PTGER2: variants seen among roughly 807,000 people sequenced by gnomAD.
The protein encoded by PTGER2 is prostaglandin E2 receptor EP2 subtype.
PTGER2 carries 22 observed loss-of-function variants against 26.2 expected under a neutral mutation model. That is an observed-to-expected ratio of 0.84 (90% CI 0.60 to 1.20). The LOEUF is 1.20. Ranked by LOEUF, PTGER2 falls within the 50% of genes most tolerant of loss-of-function variation. The pLI is 0.00. For missense variants in PTGER2, 458 were observed against 475.2 expected (o/e 0.96, Z 0.34); for synonymous variants, 219 against 208.9 (o/e 1.05, Z -0.42).
chr14:52,317,825 A>G (rs952639692), intron 1 of PTGER2, among the ~76,000 whole-genome samples: 1 of 152,234 alleles, frequency 6.6e-6, no homozygotes, highest in Non-Finnish European at 1.5e-5. Flanking sequence ...AGCTACCATG[A>G]CACCATATTC....
In PTGER2 at chr14:52,327,266, G is replaced by A; in HGVS notation, c.889G>A (p.Asp297Asn). The change falls in exon 2 of 2, where the codon GAC (aspartate) becomes AAC (asparagine). Residue 297 changes from aspartate to asparagine, a missense_variant. Asp to Asn is a conservative substitution (Grantham distance 23, BLOSUM62 1). Coordinates refer to ENST00000245457, the MANE Select transcript of PTGER2 (RefSeq NM_000956.4). Reference sequence around the variant, plus strand: ...AACCTCTTCCCGAAAGGAAAAATGGGACCTCCAAGCTCTTAGGTTTTTATC... The same window carrying A: ...AACCTCTTCCCGAAAGGAAAAATGGAACCTCCAAGCTCTTAGGTTTTTATC... Reference protein sequence around the residue: ...NETSSRKEKWDLQALRFLSIN... With the variant: ...NETSSRKEKWNLQALRFLSIN... 1 of 1,613,218 alleles carries A rather than the reference G, an allele frequency of 6.2e-7. No individual in the cohort carries two copies. The highest frequency in any genetic ancestry group is 8.5e-7 in the Non-Finnish European group (1 of 1,179,510).
chr14:52,324,964 C>A (rs977649869), intron 1 of PTGER2, among the ~76,000 whole-genome samples: 1 of 152,064 alleles, frequency 6.6e-6, no homozygotes, highest in African/African-American at 2.4e-5. Flanking sequence ...CATGGTGAAA[C>A]CCCATCTCTA....
chr14:52,323,749 C>A (rs1300464209), intron 1 of PTGER2, among the ~76,000 whole-genome samples: 1 of 152,196 alleles, frequency 6.6e-6, no homozygotes, highest in Admixed American at 6.5e-5. Flanking sequence ...AGCACTAATT[C>A]TCATCTGTGC....
At chr14:52,319,885 G>T (rs1315896887) in intron 1 of PTGER2, among the ~76,000 whole-genome samples, 3 of 152,182 alleles carry the variant, frequency 2.0e-5, no homozygotes, top group African/African-American at 7.2e-5. Context: ...AGGTAAATCT[G>T]ATTAGTGGAA....
Position 52,314,542 on chromosome 14 carries a change from C to T in PTGER2, c.-7C>T, listed in dbSNP as rs1191429041. 9 of 1,479,512 alleles carry T rather than the reference C, an allele frequency of 6.1e-6. No homozygotes were observed. Among genetic ancestry groups the T allele is most frequent in the Non-Finnish European group, 7.2e-6 (8 of 1,116,206 alleles). The allele number at this position is 1,479,512 out of a possible 1,614,324, so 91.6% of individuals were successfully genotyped here. ...GGAGGGCGCATCTCTTTTCCAGGCA[C>T]CCCACCATGGGCAATGCCTCCAATG... On this transcript the variant is annotated 5_prime_UTR_variant, in exon 1 of 2. Transcript: ENST00000245457. The surrounding 1 kb of genome is among the most constrained non-coding windows in gnomAD (Gnocchi z 5.7).
At chr14:52,319,130 A>G (rs1783154642) in intron 1 of PTGER2, among the ~76,000 whole-genome samples, 1 of 152,246 alleles carries the variant, frequency 6.6e-6, no homozygotes, top group African/African-American at 2.4e-5. Context: ...CTAAGATTTC[A>G]TAAAAGAGCT....
At position 52,314,819 on chromosome 14, in the gene PTGER2, G is replaced by C; in HGVS notation, c.271G>C (p.Ala91Pro). Reference sequence around the variant, plus strand: ...CTGCCTCATCAGCCCAGTGGTACTGGCTTCGTACGCGCGGAACCAGACCCT... The same window carrying C: ...CTGCCTCATCAGCCCAGTGGTACTGCCTTCGTACGCGCGGAACCAGACCCT... ...GTCLISPVVLASYARNQTLVA... is the reference protein window; with the variant it reads ...GTCLISPVVLPSYARNQTLVA... The change falls in exon 1 of 2, where the codon GCT becomes CCT. Residue 91 changes from alanine (A) to proline (P), a missense_variant. Ala to Pro is a conservative substitution (Grantham distance 27, BLOSUM62 -1). Transcript: ENST00000245457. This position sits in a 1 kb window ranked among gnomAD's most constrained non-coding sequence, Gnocchi z 5.7. The C allele has an allele frequency of 6.2e-7, 1 of 1,613,104 alleles. No homozygotes were observed.
At chr14:52,327,114 G>A (rs762285130) in intron 1 of PTGER2, 107 bp from the exon 2 acceptor site, 2 of 815,702 alleles carry the variant, frequency 2.5e-6, no homozygotes, top group Non-Finnish European at 3.8e-6. Context: ...CACTACCACA[G>A]ACAAAACATG....
rs1212408228 is a variant in PTGER2 at position 52,327,234 on chromosome 14, T to C, written c.857T>C (p.Met286Thr). Reference sequence around the variant, plus strand: ...TGCTTCTTACAGATTTTTGCATATATGAATGAAACCTCTTCCCGAAAGGAA... The same window carrying C: ...TGCTTCTTACAGATTTTTGCATATACGAATGAAACCTCTTCCCGAAAGGAA... ...CSLPFTIFAY[M>T]NETSSRKEKW... The change falls in exon 2 of 2, where the codon ATG (methionine) becomes ACG (threonine). Residue 286 changes from methionine (M) to threonine (T), a missense_variant. Met to Thr is a moderately conservative substitution (Grantham distance 81). Transcript: ENST00000245457. 1 of 1,601,666 alleles carries C rather than the reference T, an allele frequency of 6.2e-7. No individual in the cohort carries two copies. The highest frequency in any genetic ancestry group is 1.7e-5 in the Admixed American group (1 of 59,712).
At position 52,314,689 on chromosome 14, in the gene PTGER2, G is replaced by A. The variant is rs748972474; in HGVS notation, c.141G>A (p.Ala47=). ...ACCTCATAGCACTGGCGCTGCTGGC[G>A]CGCCGCTGGCGGGGGGACGTGGGGT... ...LGNLIALALL[A]RRWRGDVGCS... The change falls in exon 1 of 2, where the codon GCG becomes GCA. Residue 47 remains alanine (A), a synonymous_variant. Coordinates refer to ENST00000245457, the MANE Select transcript of PTGER2 (RefSeq NM_000956.4). This position sits in a 1 kb window ranked among gnomAD's most constrained non-coding sequence, Gnocchi z 5.7. 7 of 1,548,754 alleles carry A rather than the reference G, an allele frequency of 4.5e-6. No homozygotes were observed. The highest frequency in any genetic ancestry group is 4.5e-5 in the East Asian group (2 of 44,018).
intron 1 of PTGER2, among the ~76,000 whole-genome samples, chr14:52,321,529 T>G (rs2033895649): frequency 6.6e-6 from 1 of 152,234 alleles, no homozygotes; most frequent in Admixed American, 6.5e-5. Flanking sequence ...GTCAGACATT[T>G]GTGAATTTCA....
chr14:52,314,625 C>A lies in PTGER2; in HGVS notation c.77C>A (p.Ala26Asp), dbSNP rs767948522. The change falls in exon 1 of 2, where the codon GCC (alanine) becomes GAC (aspartate). Residue 26 changes from alanine to aspartate, a missense_variant. By Grantham distance (126) the Ala-to-Asp change is moderately radical (BLOSUM62 -2). Transcript: ENST00000245457. This position sits in a 1 kb window ranked among gnomAD's most constrained non-coding sequence, Gnocchi z 5.7. ...RQWLPPGESP[A>D]ISSVMFSAGV... is the part of the protein sequence containing the mutation. ...TGGCTTCCCCCAGGCGAAAGCCCAGCCATCAGCTCCGTCATGTTCTCGGCC... is the reference window on the plus strand; with the variant it reads ...TGGCTTCCCCCAGGCGAAAGCCCAGACATCAGCTCCGTCATGTTCTCGGCC... 21 of 1,511,122 alleles carry A rather than the reference C, an allele frequency of 1.4e-5. No individual in the cohort carries two copies. The highest frequency in any genetic ancestry group is 1.9e-5 in the Non-Finnish European group (21 of 1,129,498). 93.6% of individuals were successfully genotyped at this position (1,511,122 alleles called of 1,614,324 possible).
chr14:52,327,334 GCCT>G lies in PTGER2; in HGVS notation c.961_963del (p.Pro321del). 1 of 1,612,768 alleles carries G rather than the reference GCCT, an allele frequency of 6.2e-7. No individual in the cohort carries two copies. Among genetic ancestry groups the G allele is most frequent in the South Asian group, 1.1e-5 (1 of 91,050 alleles). On this transcript the variant is annotated inframe_deletion, in exon 2 of 2. Coordinates refer to ENST00000245457, the MANE Select transcript of PTGER2 (RefSeq NM_000956.4). ...ACCCTTGGGTCTTTGCCATCCTTAG[GCCT>G]CCTGTTCTGAGACTAATGCGTTCAG...
Position 52,314,704 on chromosome 14 carries a change from G to A in PTGER2, c.156G>A (p.Gly52=). 4 of 1,556,614 alleles carry A rather than the reference G, an allele frequency of 2.6e-6. No individual in the cohort carries two copies. The highest frequency in any genetic ancestry group is 1.4e-5 in the African/African-American group (1 of 73,542). ...ALALLARRWR[G]DVGCSAGRRS... ...CGCTGCTGGCGCGCCGCTGGCGGGG[G>A]GACGTGGGGTGCAGCGCCGGCCGCA... Residue 52 remains glycine, a synonymous_variant, in exon 1 of 2, where the codon GGG becomes GGA. Coordinates refer to ENST00000245457, the MANE Select transcript of PTGER2 (RefSeq NM_000956.4). The surrounding 1 kb of genome is among the most constrained non-coding windows in gnomAD (Gnocchi z 5.7).
intron 1 of PTGER2, among the ~76,000 whole-genome samples, chr14:52,316,657 C>T (rs1394320351): frequency 6.6e-6 from 1 of 152,184 alleles, no homozygotes; most frequent in Non-Finnish European, 1.5e-5. Context: ...TGCTCATCCT[C>T]AGGGATGGGA....
chr14:52,318,369 A>C (rs936227851), intron 1 of PTGER2, among the ~76,000 whole-genome samples: 2 of 152,270 alleles, frequency 1.3e-5, no homozygotes, highest in African/African-American at 4.8e-5. Context: ...GTCATATAAC[A>C]AAAAGTAAAA....
chr14:52,315,404 C>T lies in PTGER2; in HGVS notation c.843+13C>T, dbSNP rs1470736836. 1.2e-6 allele frequency: 2 copies of T among 1,611,128 alleles called. No homozygotes were observed. Among genetic ancestry groups the T allele is most frequent in the Non-Finnish European group, 1.7e-6 (2 of 1,179,882 alleles). On this transcript the variant is annotated intron_variant, in intron 1 of 1. Transcript: ENST00000245457. ...CTTGCCTTTCACGGTAAGTCACTCCCTACGTTTCCACAGCCCGGCTCTGCT... is the reference window on the plus strand; with the variant it reads ...CTTGCCTTTCACGGTAAGTCACTCCTTACGTTTCCACAGCCCGGCTCTGCT...
rs542981572 is a variant in PTGER2 at position 52,314,314 on chromosome 14, G to C, written c.-235G>C. ...TCTGGCTCCCGGCCTTGGCCGGCGC[G>C]GGTAGGCGCGGGAGCCTCGAGCGCC... is the stretch of plus-strand genomic sequence containing the variant. On this transcript the variant is annotated 5_prime_UTR_variant, in exon 1 of 2. Coordinates refer to ENST00000245457, the MANE Select transcript of PTGER2 (RefSeq NM_000956.4). This position sits in a 1 kb window ranked among gnomAD's most constrained non-coding sequence, Gnocchi z 5.7. The C allele has an allele frequency of 7.4e-4, 258 of 349,832 alleles. 1 individual carries two copies. The highest frequency in any genetic ancestry group is 4.6e-3 in the African/African-American group (216 of 47,328). 21.7% of individuals were successfully genotyped at this position (349,832 alleles called of 1,614,324 possible).
At chr14:52,319,570 T>C (rs527701972) in intron 1 of PTGER2, among the ~76,000 whole-genome samples, 1 of 152,346 alleles carries the variant, frequency 6.6e-6, no homozygotes, top group African/African-American at 2.4e-5. Flanking sequence ...TTAATCAGCT[T>C]TGCCATCGTT....
Sources: gnomAD v4.1 joint callset for allele counts (sites outside exome capture counted in the v4.1 genomes callset) on GRCh38, gnomAD v4.1.1 for gene constraint, Gnocchi (gnomAD v3.1) non-coding constraint, MANE v1.5 for transcripts, NCBI Gene and HGNC (gene_info 2026-07-23, HGNC 2026-07-21) for gene names.